ZNF697: variants seen among roughly 807,000 people sequenced by gnomAD.
ZNF697 encodes the protein zinc finger protein 697.
In ZNF697, 23 loss-of-function variants were observed where a neutral mutation model predicts 32.4. The observed-to-expected ratio is 0.71, with a 90% CI of 0.51 to 1.01. The LOEUF (loss-of-function observed/expected upper bound fraction) is 1.01, where lower values mean the gene tolerates loss of function less well. Ranked by LOEUF, ZNF697 falls within the 50% of genes least tolerant of loss-of-function variation. ZNF697 has a pLI of 0.00. For synonymous variants in ZNF697, 418 were observed against 337.2 expected (o/e 1.24, Z -2.62); for missense variants, 930 against 794.0 (o/e 1.17, Z -2.06).
At position 119,621,411 on chromosome 1, in the gene ZNF697, T is replaced by C. The variant is rs1425839664; in HGVS notation, c.*1294A>G. ...AACAGCTAACAATTATTAAAAAGCA[T>C]AAAGCACTTTGCAAATATCAAAGTG... On this transcript the variant is annotated 3_prime_UTR_variant, in exon 3 of 3. Coordinates refer to ENST00000421812, the MANE Select transcript of ZNF697 (RefSeq NM_001080470.2). 6.6e-6 allele frequency: 1 copy of C among 152,622 alleles called. No homozygotes were observed. The highest frequency in any genetic ancestry group is 1.5e-5 in the Non-Finnish European group (1 of 68,028). 9.5% of individuals were successfully genotyped at this position (152,622 alleles called of 1,614,324 possible). A position where few individuals can be genotyped will look rare whatever the true frequency, so the allele number is the denominator to read the frequency against.
rs1201997973 is a variant in ZNF697, at chr1:119,648,231, T to C, written c.-578A>G. 6.6e-6 allele frequency among the ~76,000 whole-genome samples: 1 copy of C among 151,754 alleles called. No individual in the cohort carries two copies. On this transcript the variant is annotated 5_prime_UTR_variant, in exon 1 of 3. Coordinates refer to ENST00000421812, the MANE Select transcript of ZNF697 (RefSeq NM_001080470.2). ...CTGGCTGGCTGGCTGGCTGGCTGGC[T>C]GGCTCGCTGGCTGGCTGCCCGGCTG...
rs770529572 is a variant in ZNF697, at chr1:119,623,323, C to T, written c.1020G>A (p.Ala340=). The change falls in exon 3 of 3, where the codon GCG becomes GCA. Residue 340 remains alanine, a synonymous_variant. Transcript: ENST00000421812. ...SHLLSHRRAH[A]AASGAGAAAL... ...CCGCCGCCCCCGCGCCGCTGGCCGC[C>T]GCGTGCGCGCGCCGGTGGCTCAACA... The T allele has an allele frequency of 9.9e-6, 13 of 1,309,522 alleles. No individual in the cohort carries two copies. The South Asian group carries it at 1.6e-4, about 16-fold the overall frequency. The allele number at this position is 1,309,522 out of a possible 1,614,324, so 81.1% of individuals were successfully genotyped here. A position where few individuals can be genotyped will look rare whatever the true frequency, so the allele number is the denominator to read the frequency against.
At position 119,622,856 on chromosome 1, in the gene ZNF697, A is replaced by C; in HGVS notation, c.1487T>G (p.Ile496Ser). Residue 496 changes from isoleucine to serine, a missense_variant, in exon 3 of 3, where the codon ATC (isoleucine) becomes AGC (serine). Coordinates refer to ENST00000421812, the MANE Select transcript of ZNF697 (RefSeq NM_001080470.2). ...CTGGATAAAGCTCTTGCCGCACTCGATGCACGTGTAGGGCTTCTCGCCCGT... is the reference window on the plus strand; with the variant it reads ...CTGGATAAAGCTCTTGCCGCACTCGCTGCACGTGTAGGGCTTCTCGCCCGT... ...THTGEKPYTC[I>S]ECGKSFIQSS... is the part of the protein sequence containing the mutation. 6.2e-7 allele frequency: 1 copy of C among 1,608,402 alleles called. No homozygotes were observed. Among genetic ancestry groups the C allele is most frequent in the Non-Finnish European group, 8.5e-7 (1 of 1,177,426 alleles).
rs1210103005 is a variant in ZNF697 at position 119,636,204 on chromosome 1, G to GT, written c.-37-10068dup. On this transcript the variant is annotated intron_variant, in intron 1 of 2. Transcript: ENST00000421812. The stretch of plus-strand genomic sequence containing the variant: ...ACACAAACTTGCAAATAGAGTAATG[G>GT]TATTTTTCTTGAGCATGAGTTCTTA... Among the ~76,000 whole-genome samples, 7 of 152,102 alleles carry GT rather than the reference G, an allele frequency of 4.6e-5. No individual in the cohort carries two copies. The East Asian group carries it at 1.3e-3, about 29-fold the overall frequency.
At chr1:119,635,669 C>A (rs868746842) in intron 1 of ZNF697, among the ~76,000 whole-genome samples, 1 of 152,136 alleles carries the variant, frequency 6.6e-6, no homozygotes, top group Admixed American at 6.5e-5. Flanking sequence ...ATTATTGGTC[C>A]TCCCTAGAAT....
At position 119,626,046 on chromosome 1, in the gene ZNF697, C is replaced by T. The variant is rs770798929; in HGVS notation, c.55G>A (p.Gly19Arg). The T allele has an allele frequency of 2.0e-5, 32 of 1,614,004 alleles. No individual in the cohort carries two copies. The highest frequency in any genetic ancestry group is 3.3e-4 in the Middle Eastern group (2 of 6,062). The stretch of plus-strand genomic sequence containing the variant: ...GAGTCCTCAAAATCAGAACCCATCC[C>T]TTTGTCTTCTGAGTCCTGGTGTGCA... ...VCAHQDSEDKGMGSDFEDSED... is the reference protein window; with the variant it reads ...VCAHQDSEDKRMGSDFEDSED... Residue 19 changes from glycine to arginine, a missense_variant, in exon 2 of 3, where the codon GGG becomes AGG. Gly to Arg is a moderately radical substitution (Grantham distance 125). Transcript: ENST00000421812.
rs1648452664 is a variant in ZNF697, at chr1:119,623,650, G to C, written c.693C>G (p.Cys231Trp). Residue 231 changes from cysteine (C) to tryptophan (W), a missense_variant, in exon 3 of 3, where the codon TGC becomes TGG. Physicochemically the swap from Cys to Trp is radical, Grantham distance 215 (BLOSUM62 -2). Transcript: ENST00000421812. ...SLEPFGLAGE[C>W]DAMVGMMGVG... is the part of the protein sequence containing the mutation. Reference sequence around the variant, plus strand: ...CCCCCATCATGCCCACCATCGCGTCGCACTCGCCCGCCAGGCCGAAGGGCT... The same window carrying C: ...CCCCCATCATGCCCACCATCGCGTCCCACTCGCCCGCCAGGCCGAAGGGCT... 2 of 1,488,410 alleles carry C rather than the reference G, an allele frequency of 1.3e-6. No individual in the cohort carries two copies. The highest frequency in any genetic ancestry group is 2.9e-5 in the African/African-American group (2 of 69,514). The allele number at this position is 1,488,410 out of a possible 1,614,324, so 92.2% of individuals were successfully genotyped here. A position where few individuals can be genotyped will look rare whatever the true frequency, so the allele number is the denominator to read the frequency against.
intron 1 of ZNF697, among the ~76,000 whole-genome samples, chr1:119,633,270 G>A (rs1473617482): frequency 6.6e-6 from 1 of 152,098 alleles, no homozygotes; most frequent in African/African-American, 2.4e-5. Context: ...TCAAAAAATA[G>A]CCAGATAAAT....
At chr1:119,639,252 T>A (rs1649002475) in intron 1 of ZNF697, among the ~76,000 whole-genome samples, 1 of 152,170 alleles carries the variant, frequency 6.6e-6, no homozygotes, top group South Asian at 2.1e-4. Flanking sequence ...TCTCTTTTTT[T>A]CAGTTGCCAC....
chr1:119,642,639 TTGTC>T (rs1434833215), intron 1 of ZNF697, among the ~76,000 whole-genome samples: 2 of 152,142 alleles, frequency 1.3e-5, no homozygotes, highest in Admixed American at 6.5e-5. Flanking sequence ...TTGTAAAAAA[TTGTC>T]TGTGCCATCA....
chr1:119,633,399 G>GT (rs1557939125), intron 1 of ZNF697, among the ~76,000 whole-genome samples: 4 of 147,998 alleles, frequency 2.7e-5, no homozygotes, highest in Non-Finnish European at 4.4e-5. Flanking sequence ...TGTGTATAGA[G>GT]AGAGAGAGAG....
In ZNF697 at chr1:119,625,921, G is replaced by A; in HGVS notation, c.180C>T (p.Asn60=). 1 of 1,613,962 alleles carries A rather than the reference G, an allele frequency of 6.2e-7. No individual in the cohort carries two copies. The highest frequency in any genetic ancestry group is 8.5e-7 in the Non-Finnish European group (1 of 1,179,872). ...CTTCCCTGTGCCTTGAGTCCTGTGG[G>A]TTGGAGCCCATCTCCGGCTCCGGAT... is the stretch of plus-strand genomic sequence containing the variant. ...EGHPEPEMGS[N]PQDSRHREAV... Residue 60 remains asparagine (N), a synonymous_variant, in exon 2 of 3, where the codon AAC becomes AAT. Coordinates refer to ENST00000421812, the MANE Select transcript of ZNF697 (RefSeq NM_001080470.2).
At chr1:119,646,327 A>ACACACG (rs1287863054) in intron 1 of ZNF697, among the ~76,000 whole-genome samples, 9 of 125,574 alleles carry the variant, frequency 7.2e-5, no homozygotes, top group Non-Finnish European at 1.5e-4. Context: ...CTTCCAACAC[A>ACACACG]CACACACACA....
In ZNF697 at chr1:119,622,868, G is replaced by T; in HGVS notation, c.1475C>A (p.Pro492His). 1.9e-6 allele frequency: 3 copies of T among 1,610,568 alleles called. No homozygotes were observed. The highest frequency in any genetic ancestry group is 2.5e-6 in the Non-Finnish European group (3 of 1,178,362). ...QHQRTHTGEK[P>H]YTCIECGKSF... Reference sequence around the variant, plus strand: ...CTTGCCGCACTCGATGCACGTGTAGGGCTTCTCGCCCGTGTGCGTGCGCTG... The same window carrying T: ...CTTGCCGCACTCGATGCACGTGTAGTGCTTCTCGCCCGTGTGCGTGCGCTG... The change falls in exon 3 of 3, where the codon CCC becomes CAC. Residue 492 changes from proline to histidine, a missense_variant. By Grantham distance (77) the Pro-to-His change is moderately conservative (BLOSUM62 -2). Transcript: ENST00000421812.
chr1:119,624,440 G>T (rs1648511119), intron 2 of ZNF697, among the ~76,000 whole-genome samples: 1 of 152,230 alleles, frequency 6.6e-6, no homozygotes, highest in Non-Finnish European at 1.5e-5. Flanking sequence ...TCAAGTCTGT[G>T]CCAGGTGGGA....
At position 119,622,855 on chromosome 1, in the gene ZNF697, G is replaced by T. The variant is rs1381723798; in HGVS notation, c.1488C>A (p.Ile496=). 1 of 1,609,128 alleles carries T rather than the reference G, an allele frequency of 6.2e-7. No homozygotes were observed. The highest frequency in any genetic ancestry group is 1.7e-5 in the Admixed American group (1 of 59,380). The stretch of plus-strand genomic sequence containing the variant: ...TCTGGATAAAGCTCTTGCCGCACTC[G>T]ATGCACGTGTAGGGCTTCTCGCCCG... ...THTGEKPYTC[I]ECGKSFIQSS... is the part of the protein sequence containing the mutation. The change falls in exon 3 of 3, where the codon ATC becomes ATA. Residue 496 remains isoleucine, a synonymous_variant. Coordinates refer to ENST00000421812, the MANE Select transcript of ZNF697 (RefSeq NM_001080470.2).
At position 119,623,675 on chromosome 1, in the gene ZNF697, T is replaced by TCCAGGCTGGCGGCGGCAGCGGCCTCAG. The variant is rs747219814; in HGVS notation, c.641_667dup (p.Ala214_Leu222dup). The TCCAGGCTGGCGGCGGCAGCGGCCTCAG allele has an allele frequency of 5.9e-3, 8,186 of 1,379,382 alleles. 36 individuals are homozygous for TCCAGGCTGGCGGCGGCAGCGGCCTCAG. Among genetic ancestry groups the TCCAGGCTGGCGGCGGCAGCGGCCTCAG allele is most frequent in the Middle Eastern group, 0.018 (65 of 3,694 alleles). 85.4% of individuals were successfully genotyped at this position (1,379,382 alleles called of 1,614,324 possible). A position where few individuals can be genotyped will look rare whatever the true frequency, so the allele number is the denominator to read the frequency against. ...GCACTCGCCCGCCAGGCCGAAGGGC[T>TCCAGGCTGGCGGCGGCAGCGGCCTCAG]CCAGGCTGGCGGCGGCAGCGGCCTC... On this transcript the variant is annotated inframe_insertion, in exon 3 of 3. Coordinates refer to ENST00000421812, the MANE Select transcript of ZNF697 (RefSeq NM_001080470.2).
In ZNF697 at chr1:119,623,703, C is replaced by T. The variant is rs1301017958; in HGVS notation, c.640G>A (p.Ala214Thr). 6.5e-7 allele frequency: 1 copy of T among 1,534,100 alleles called. No individual in the cohort carries two copies. The highest frequency in any genetic ancestry group is 2.5e-5 in the East Asian group (1 of 40,768). The change falls in exon 3 of 3, where the codon GCT (alanine) becomes ACT (threonine). Residue 214 changes from alanine (A) to threonine (T), a missense_variant. Ala to Thr is a moderately conservative substitution (Grantham distance 58). Coordinates refer to ENST00000421812, the MANE Select transcript of ZNF697 (RefSeq NM_001080470.2). ...AGGCTGGCGGCGGCAGCGGCCTCAG[C>T]CAGGCGGTGAATGCGCTGGTGCTGC... ...FLQHQRIHRLAEAAAAASLEP... is the reference protein window; with the variant it reads ...FLQHQRIHRLTEAAAAASLEP...
Position 119,622,992 on chromosome 1 carries a change from G to GC in ZNF697, c.1350dup (p.His451AlafsTer83). 6.3e-7 allele frequency: 1 copy of GC among 1,593,934 alleles called. No homozygotes were observed. The highest frequency in any genetic ancestry group is 1.1e-5 in the South Asian group (1 of 88,896). On this transcript the variant is annotated frameshift_variant, in exon 3 of 3. Coordinates refer to ENST00000421812, the MANE Select transcript of ZNF697 (RefSeq NM_001080470.2). LOFTEE classifies it high-confidence loss of function. ...TGCACGCGCAGGTGGTTCACCAGGTGCGAGTTACGCCCGAAGCCCTTCCCG... is the reference window on the plus strand; with the variant it reads ...TGCACGCGCAGGTGGTTCACCAGGTGCCGAGTTACGCCCGAAGCCCTTCCCG...
Sources: gnomAD v4.1 joint callset for allele counts (sites outside exome capture counted in the v4.1 genomes callset) on GRCh38, gnomAD v4.1.1 for gene constraint, MANE v1.5 for transcripts, NCBI Gene and HGNC (gene_info 2026-07-23, HGNC 2026-07-21) for gene names.